The following SPEF2 variants were observed in gnomAD, a reference collection of about 807,000 sequenced individuals.
SPEF2 encodes sperm flagella and cilia-associated protein 2.
In SPEF2, 187 loss-of-function variants were observed where a neutral mutation model predicts 224.6. The ratio of observed to expected loss-of-function variants is 0.83; its 90% CI spans 0.74 to 0.94. SPEF2 has a LOEUF of 0.94. Ranked by LOEUF, SPEF2 falls within the 40% of genes least tolerant of loss-of-function variation. The probability of loss-of-function intolerance (pLI) is 0.00; values close to 1 mark genes in which losing one functional copy is unlikely to be tolerated. For synonymous variants in SPEF2, 715 were observed against 707.3 expected (o/e 1.01, Z -0.17); for missense variants, 2,170 against 2,135.6 (o/e 1.02, Z -0.32).
chr5:35,807,301 G>A (rs1045936032), intron 36 of SPEF2, 48 bp downstream of exon 36: 1 of 1,580,836 alleles, frequency 6.3e-7, no homozygotes. Flanking sequence ...TCCAGTTCAG[G>A]ACATGCTAGG....
intron 2 of SPEF2, among the ~76,000 whole-genome samples, chr5:35,640,550 G>C (rs980391707): frequency 6.6e-6 from 1 of 152,170 alleles, no homozygotes; most frequent in African/African-American, 2.4e-5. Context: ...TGGAGAAACA[G>C]ATTGCAAAAC....
At chr5:35,762,662 T>A (rs1419819050) in intron 25 of SPEF2, among the ~76,000 whole-genome samples, 2 of 152,206 alleles carry the variant, frequency 1.3e-5, no homozygotes, top group Non-Finnish European at 2.9e-5. Flanking sequence ...CTTGGAGCTG[T>A]TCTCTTCTCT....
Position 35,661,335 on chromosome 5 carries a change from G to GTA in SPEF2, c.1167+2139_1167+2140dup, listed in dbSNP as rs1173431421. Among the ~76,000 whole-genome samples, 138 of 130,210 alleles carry GTA rather than the reference G, an allele frequency of 1.1e-3. 1 individual carries two copies. Among genetic ancestry groups the GTA allele is most frequent in the African/African-American group, 1.9e-3 (68 of 35,934 alleles). The allele number at this position is 130,210 out of a possible 152,430, so 85.4% of individuals were successfully genotyped here. On this transcript the variant is annotated intron_variant, in intron 8 of 36. Coordinates refer to ENST00000356031, the MANE Select transcript of SPEF2 (RefSeq NM_024867.4). ...TATATACACATATACCAAAGTGTGT[G>GTA]TATATATATATACACACACACATAT...
Position 35,712,835 on chromosome 5 carries a change from T to A in SPEF2, c.2863T>A (p.Ser955Thr), listed in dbSNP as rs1242367689. The A allele has an allele frequency of 3.7e-6, 6 of 1,613,840 alleles. No homozygotes were observed. Among genetic ancestry groups the A allele is most frequent in the Non-Finnish European group, 5.1e-6 (6 of 1,179,928 alleles). Residue 955 changes from serine to threonine, a missense_variant, in exon 20 of 37, where the codon TCT becomes ACT. Transcript: ENST00000356031. ...AGAAGCCCCGCATGGTAAGCAAGAATCTCTTCAGGAAGGAAAAGGGAAGAA... is the reference window on the plus strand; with the variant it reads ...AGAAGCCCCGCATGGTAAGCAAGAAACTCTTCAGGAAGGAAAAGGGAAGAA... ...QSEAPHGKQE[S>T]LQEGKGKKGE...
chr5:35,635,692 G>A (rs1408715493), intron 2 of SPEF2, among the ~76,000 whole-genome samples: 1 of 152,170 alleles, frequency 6.6e-6, no homozygotes, highest in Non-Finnish European at 1.5e-5. Context: ...ACATGATTCT[G>A]ATGATTCAGA....
intron 29 of SPEF2, among the ~76,000 whole-genome samples, chr5:35,777,231 C>T (rs1176311280): frequency 6.6e-6 from 1 of 152,148 alleles, no homozygotes; most frequent in Non-Finnish European, 1.5e-5. Flanking sequence ...TGTTATGGTT[C>T]GTTTTCTCTG....
intron 8 of SPEF2, among the ~76,000 whole-genome samples, chr5:35,664,382 AAAG>A (rs1332568839): frequency 6.6e-6 from 1 of 151,556 alleles, no homozygotes; most frequent in African/African-American, 2.4e-5. Context: ...GGAAGGAAGG[AAAG>A]AAGGAAGGAA....
intron 34 of SPEF2, among the ~76,000 whole-genome samples, chr5:35,805,709 C>T (rs73090218): frequency 0.19 from 28,879 of 152,054 alleles, 3,519 homozygotes; most frequent in African/African-American, 0.35. Context: ...TTGTCTATTC[C>T]GCTATCCAGA....
At chr5:35,705,139 G>A (rs1450558913) in intron 17 of SPEF2, among the ~76,000 whole-genome samples, 1 of 151,994 alleles carries the variant, frequency 6.6e-6, no homozygotes, top group African/African-American at 2.4e-5. Flanking sequence ...AAATGAACCA[G>A]GGAAGAGTAA....
intron 10 of SPEF2, among the ~76,000 whole-genome samples, chr5:35,685,027 A>G (rs895521960): frequency 1.3e-5 from 2 of 152,230 alleles, no homozygotes; most frequent in African/African-American, 2.4e-5. Flanking sequence ...GTAATCAACT[A>G]TAGTGCAACC....
intron 15 of SPEF2, chr5:35,699,540 T>C (rs993247424): frequency 6.6e-6 from 1 of 152,078 alleles, no homozygotes; most frequent in Non-Finnish European, 1.5e-5. Context: ...CATGGCAAAG[T>C]GGAAGTCAGA....
chr5:35,666,708 T>C (rs1750520641), intron 8 of SPEF2, among the ~76,000 whole-genome samples: 1 of 152,154 alleles, frequency 6.6e-6, no homozygotes, highest in Admixed American at 6.5e-5. Context: ...CAGCTATGCT[T>C]AGGGTCTGGC....
chr5:35,684,882 T>A (rs1272640273), intron 10 of SPEF2, among the ~76,000 whole-genome samples: 2 of 152,248 alleles, frequency 1.3e-5, no homozygotes, highest in African/African-American at 4.8e-5. Context: ...TCACCTTTTT[T>A]ATTGTAAAAT....
chr5:35,698,033 T>A, intron 15 of SPEF2: 1 of 301,718 alleles, frequency 3.3e-6, no homozygotes. Flanking sequence ...CAGGTTCTAT[T>A]ACCTGTGGGG....
At chr5:35,732,449 G>T (rs10053840) in intron 21 of SPEF2, among the ~76,000 whole-genome samples, 2 of 151,846 alleles carry the variant, frequency 1.3e-5, no homozygotes, top group Non-Finnish European at 2.9e-5. Context: ...ACCAGAGAGA[G>T]AAGTAGGTCA....
chr5:35,751,722 T>C (rs1472368196), intron 23 of SPEF2, among the ~76,000 whole-genome samples: 1 of 152,160 alleles, frequency 6.6e-6, no homozygotes, highest in East Asian at 1.9e-4. Context: ...AAGTATTCCA[T>C]AAACACAATG....
chr5:35,757,436 A>C (rs1750621463), intron 24 of SPEF2, among the ~76,000 whole-genome samples: 1 of 152,142 alleles, frequency 6.6e-6, no homozygotes, highest in Non-Finnish European at 1.5e-5. Flanking sequence ...TGATTTCTAA[A>C]TTTATTTACC....
At chr5:35,625,577 T>C (rs1365609833) in intron 1 of SPEF2, among the ~76,000 whole-genome samples, 1 of 152,196 alleles carries the variant, frequency 6.6e-6, no homozygotes, top group South Asian at 2.1e-4. Context: ...AAGCCAAAAA[T>C]TGGGACAAGA....
At chr5:35,807,536 T>C in intron 36 of SPEF2, 3 of 1,125,392 alleles carry the variant, frequency 2.7e-6, no homozygotes, top group Non-Finnish European at 3.8e-6. Flanking sequence ...TAGCCTGTGA[T>C]TGAAGGGTTT....
Sources: gnomAD v4.1 joint callset for allele counts (sites outside exome capture counted in the v4.1 genomes callset) on GRCh38, gnomAD v4.1.1 for gene constraint, MANE v1.5 for transcripts, NCBI Gene and HGNC (gene_info 2026-07-23, HGNC 2026-07-21) for gene names.